The following POLR1B variants were observed in gnomAD, a reference collection of about 807,000 sequenced individuals.
POLR1B encodes the protein DNA-directed RNA polymerase I subunit RPA2.
Under a neutral mutation model 105.8 loss-of-function variants are expected in POLR1B, and 30 were observed. The observed-to-expected ratio is 0.28, with a 90% CI of 0.21 to 0.38. POLR1B has a LOEUF of 0.38. Among genes scored for constraint, POLR1B ranks in the 10% least tolerant of loss-of-function variants. The probability of loss-of-function intolerance (pLI) is 1.00; values close to 1 mark genes in which losing one functional copy is unlikely to be tolerated. For missense variants in POLR1B, 976 were observed against 1,435.8 expected, an observed-to-expected ratio of 0.68 and a Z score of 5.17; for synonymous variants, 485 against 505.1, an observed-to-expected ratio of 0.96 and a Z score of 0.53.
intron 4 of POLR1B, 100 bp downstream of exon 4, chr2:112,549,499 C>CTTT (rs34591927): frequency 1.4e-4 from 79 of 579,676 alleles, no homozygotes; most frequent in Middle Eastern, 5.4e-4. Context: ...ATTTTTGTTT[C>CTTT]TTTTTTTTTT....
At position 112,561,970 on chromosome 2, in the gene POLR1B, C is replaced by T. The variant is rs78277514; in HGVS notation, c.1612+2396C>T. Among the ~76,000 whole-genome samples, 756 of 152,162 alleles carry T rather than the reference C, an allele frequency of 5.0e-3. 45 individuals carry two copies. In the East Asian group the frequency reaches 0.13, roughly 25 times the overall value. ...TGCAGGTGTGAGCCACCATGCGAAGCCTGGAAGCTGTTATTTAAACAGCTT... is the reference window on the plus strand; with the variant it reads ...TGCAGGTGTGAGCCACCATGCGAAGTCTGGAAGCTGTTATTTAAACAGCTT... On this transcript the variant is annotated intron_variant, in intron 9 of 14. Coordinates refer to ENST00000263331, the MANE Select transcript of POLR1B (RefSeq NM_019014.6).
intron 14 of POLR1B, among the ~76,000 whole-genome samples, chr2:112,574,295 A>G (rs866232419): frequency 6.6e-5 from 10 of 152,226 alleles, no homozygotes; most frequent in African/African-American, 2.2e-4. Context: ...ATTTATTTCA[A>G]TAGGCTTTCA....
intron 11 of POLR1B, 31 bp downstream of exon 11, chr2:112,568,168 T>G (rs1321973566): frequency 6.3e-7 from 1 of 1,588,512 alleles, no homozygotes; most frequent in Admixed American, 1.7e-5. Flanking sequence ...GATGAGTGTA[T>G]GTGCTTGTTT....
At position 112,577,388 on chromosome 2, in the gene POLR1B, C is replaced by T. The variant is rs542381128; in HGVS notation, c.*1659C>T. ...TTCATCTCTACAAAAAAAGCAACAA[C>T]GACAAAAAAAATTAGCCAAGCATAG... On this transcript the variant is annotated 3_prime_UTR_variant, in exon 15 of 15. Transcript: ENST00000263331. 1.4e-3 allele frequency among the ~76,000 whole-genome samples: 212 copies of T among 152,116 alleles called. No homozygotes were observed. The highest frequency in any genetic ancestry group is 2.3e-3 in the Non-Finnish European group (154 of 67,984).
chr2:112,573,733 A>C lies in POLR1B; in HGVS notation c.2443A>C (p.Ile815Leu). ...GTTAGATGACGATGGATTGCCGTTT[A>C]TAGGAGCAAAACTGCAGTACGGAGA... ...QKLDDDGLPF[I>L]GAKLQYGDPY... Residue 815 changes from isoleucine to leucine, a missense_variant, in exon 14 of 15, where the codon ATA (isoleucine) becomes CTA (leucine). Ile to Leu is a conservative substitution (Grantham distance 5). Around this residue, in one of 12 missense-constraint regions of POLR1B, gnomAD observed 119 missense variants for 149.7 expected, o/e 0.79. Transcript: ENST00000263331. 6.2e-7 allele frequency: 1 copy of C among 1,614,252 alleles called. No homozygotes were observed. Among genetic ancestry groups the C allele is most frequent in the Non-Finnish European group, 8.5e-7 (1 of 1,180,046 alleles).
chr2:112,562,925 T>C (rs982021367), intron 9 of POLR1B, among the ~76,000 whole-genome samples: 1 of 151,708 alleles, frequency 6.6e-6, no homozygotes, highest in African/African-American at 2.4e-5. Flanking sequence ...GACGGGGTTT[T>C]TCCATGTTGG....
At chr2:112,563,212 G>A (rs953708831) in intron 9 of POLR1B, among the ~76,000 whole-genome samples, 3 of 151,428 alleles carry the variant, frequency 2.0e-5, no homozygotes, top group African/African-American at 7.3e-5. Context: ...CCGCCACCAC[G>A]CCCGGCTAAT....
At chr2:112,542,414 C>A (rs751150049), upstream of POLR1B, 29 of 1,612,178 alleles carry the variant, frequency 1.8e-5, no homozygotes, top group Admixed American at 4.7e-4. Context: ...AACGGGACTG[C>A]GGCCACTACT....
chr2:112,550,043 A>G lies in POLR1B; in HGVS notation c.625+644A>G, dbSNP rs537611013. Among the ~76,000 whole-genome samples the G allele has an allele frequency of 2.9e-4, 44 of 152,270 alleles. 1 individual carries two copies. The highest frequency in any genetic ancestry group is 1.0e-3 in the African/African-American group (42 of 41,564). The stretch of plus-strand genomic sequence containing the variant: ...AAAGAGCATGTGTATTTTTGTTACT[A>G]CTTATGAAGATGAAAGCTAGTCTGG... On this transcript the variant is annotated intron_variant, in intron 4 of 14. Coordinates refer to ENST00000263331, the MANE Select transcript of POLR1B (RefSeq NM_019014.6).
intron 13 of POLR1B, 81 bp from the exon 14 acceptor site, chr2:112,573,481 C>G (rs891464835): frequency 2.0e-6 from 3 of 1,488,668 alleles, no homozygotes; most frequent in Non-Finnish European, 2.7e-6. Flanking sequence ...TTATCCTAAA[C>G]CAAGTATGAT....
chr2:112,573,775 C>T lies in POLR1B; in HGVS notation c.2485C>T (p.Leu829Phe), dbSNP rs1401408430. Residue 829 changes from leucine to phenylalanine, a missense_variant, in exon 14 of 15, where the codon CTC (leucine) becomes TTC (phenylalanine). This residue lies in a region of POLR1B where 119 missense variants were observed against 149.7 expected (regional missense o/e 0.79). Coordinates refer to ENST00000263331, the MANE Select transcript of POLR1B (RefSeq NM_019014.6). Reference sequence around the variant, plus strand: ...GTACGGAGATCCGTATTACAGCTACCTCAACCTCAACACCGGGGAAAGTTT... The same window carrying T: ...GTACGGAGATCCGTATTACAGCTACTTCAACCTCAACACCGGGGAAAGTTT... ...LQYGDPYYSYLNLNTGESFVM... is the reference protein window; with the variant it reads ...LQYGDPYYSYFNLNTGESFVM... The T allele has an allele frequency of 1.2e-6, 2 of 1,614,072 alleles. No homozygotes were observed. Among genetic ancestry groups the T allele is most frequent in the East Asian group, 2.2e-5 (1 of 44,900 alleles).
chr2:112,552,190 G>C (rs1177424956), intron 6 of POLR1B, among the ~76,000 whole-genome samples, 192 bp downstream of exon 6: 1 of 152,068 alleles, frequency 6.6e-6, no homozygotes, highest in East Asian at 1.9e-4. Flanking sequence ...TAGTAGTCGT[G>C]TTTTATTTTA....
intron 10 of POLR1B, among the ~76,000 whole-genome samples, chr2:112,564,740 T>C (rs1403886522): frequency 6.6e-6 from 1 of 152,222 alleles, no homozygotes; most frequent in Non-Finnish European, 1.5e-5. Context: ...TTGAGGCACC[T>C]CAGTCTGCTT....
upstream of POLR1B, chr2:112,542,377 G>A: frequency 6.2e-7 from 1 of 1,602,756 alleles, no homozygotes; most frequent in South Asian, 1.1e-5. Flanking sequence ...GAACGAGAGG[G>A]AACTACATTT....
chr2:112,564,554 C>T (rs1021312939), intron 10 of POLR1B, 55 bp downstream of exon 10: 2 of 1,609,876 alleles, frequency 1.2e-6, no homozygotes, highest in African/African-American at 1.3e-5. Context: ...TTTTTCAGTT[C>T]CTTTCTAGTT....
At chr2:112,552,060 T>C in intron 6 of POLR1B, 62 bp downstream of exon 6, 1 of 1,381,604 alleles carries the variant, frequency 7.2e-7, no homozygotes. Flanking sequence ...GTTCTTTGTA[T>C]TGGTTGCAGT....
intron 13 of POLR1B, 141 bp from the exon 14 acceptor site, chr2:112,573,417 GTAGT>G (rs1684691095): frequency 1.8e-6 from 2 of 1,112,474 alleles, no homozygotes; most frequent in Admixed American, 5.6e-5. Context: ...CTGGGTTTTT[GTAGT>G]TAGTATCAGT....
chr2:112,579,235 A>C lies in POLR1B; in HGVS notation c.*3506A>C, dbSNP rs887012268. 2.6e-4 allele frequency among the ~76,000 whole-genome samples: 39 copies of C among 150,544 alleles called. 1 individual carries two copies. Among genetic ancestry groups the C allele is most frequent in the Non-Finnish European group, 1.0e-4 (7 of 67,498 alleles). On this transcript the variant is annotated 3_prime_UTR_variant, in exon 15 of 15. Coordinates refer to ENST00000263331, the MANE Select transcript of POLR1B (RefSeq NM_019014.6). ...AAAAAAAAAAAAAAAAAAAAAAAAA[A>C]AAAAAGGAAAGCAAAATTGTAGATA...
upstream of POLR1B, chr2:112,542,240 G>C: frequency 6.5e-7 from 1 of 1,535,400 alleles, no homozygotes; most frequent in Non-Finnish European, 8.7e-7. Flanking sequence ...TGAGTGGGGC[G>C]GAATATGGGA....
Sources: gnomAD v4.1 joint callset for allele counts (sites outside exome capture counted in the v4.1 genomes callset) on GRCh38, gnomAD v4.1.1 for gene constraint, gnomAD v4.1.1 regional missense constraint, MANE v1.5 for transcripts, NCBI Gene and HGNC (gene_info 2026-07-23, HGNC 2026-07-21) for gene names.